SRA1: variants seen among roughly 807,000 people sequenced by gnomAD.
SRA1 encodes steroid receptor RNA activator 1.
In SRA1, 25 loss-of-function variants were observed where a neutral mutation model predicts 24.3. The observed-to-expected ratio is 1.03, with a 90% confidence interval of 0.75 to 1.43. The LOEUF is 1.43. SRA1 is among the 40% of genes most tolerant of loss of function. The pLI is 0.00. For missense variants in SRA1, 303 were observed against 286.6 expected (o/e 1.06, Z -0.41); for synonymous variants, 104 against 109.5 (o/e 0.95, Z 0.31).
chr5:140,557,040 C>G, intron 2 of SRA1, 107 bp downstream of exon 2: 1 of 1,096,252 alleles, frequency 9.1e-7, no homozygotes, highest in Non-Finnish European at 1.3e-6. Context: ...AAACTTCTCT[C>G]CTTAAGGAGC....
In SRA1 at chr5:140,550,508, C is replaced by T; in HGVS notation, c.*192G>A. On this transcript the variant is annotated 3_prime_UTR_variant, in exon 5 of 5. Transcript: ENST00000336283. ...GTTCATCTCTCCTACCCAAGGCCCACCGCAGAGATGTTTTTATTGAAATGC... is the reference window on the plus strand; with the variant it reads ...GTTCATCTCTCCTACCCAAGGCCCATCGCAGAGATGTTTTTATTGAAATGC... 2 of 620,280 alleles carry T rather than the reference C, an allele frequency of 3.2e-6. No homozygotes were observed. The highest frequency in any genetic ancestry group is 5.7e-6 in the Non-Finnish European group (2 of 348,740). The allele number at this position is 620,280 out of a possible 1,614,324, so 38.4% of individuals were successfully genotyped here.
rs1310403519 is a variant in SRA1 at position 140,550,424 on chromosome 5, G to A, written c.*276C>T. 2 of 501,582 alleles carry A rather than the reference G, an allele frequency of 4.0e-6. No homozygotes were observed. The highest frequency in any genetic ancestry group is 2.3e-5 in the South Asian group (1 of 44,048). The allele number at this position is 501,582 out of a possible 1,614,324, so 31.1% of individuals were successfully genotyped here. On this transcript the variant is annotated 3_prime_UTR_variant, in exon 5 of 5. Coordinates refer to ENST00000336283, the MANE Select transcript of SRA1 (RefSeq NM_001035235.4). ...GGAGAAGGGAGAACAGAGGTTTGCA[G>A]ATACACAGGGAGCAGGGCAGTCGAG...
chr5:140,553,181 G>A (rs1293894522), intron 2 of SRA1, among the ~76,000 whole-genome samples: 2 of 152,028 alleles, frequency 1.3e-5, no homozygotes, highest in Non-Finnish European at 2.9e-5. Context: ...TGAAGATTAG[G>A]AATACAGGTA....
At chr5:140,557,055 G>A in intron 2 of SRA1, 92 bp downstream of exon 2, 1 of 1,238,660 alleles carries the variant, frequency 8.1e-7, no homozygotes, top group Non-Finnish European at 1.1e-6. Flanking sequence ...AGGAGCCCTC[G>A]GGGAGAGAAA....
Position 140,550,778 on chromosome 5 carries a change from C to G in SRA1, c.597G>C (p.Glu199Asp), listed in dbSNP as rs376107646. 150 of 1,614,082 alleles carry G rather than the reference C, an allele frequency of 9.3e-5. No homozygotes were observed. Among genetic ancestry groups the G allele is most frequent in the Non-Finnish European group, 1.2e-4 (147 of 1,180,038 alleles). ...LIAEKRSLFS[E>D]EAANEEKSAA... ...CAGATTTCTCTTCATTGGCTGCCTC[C>G]TCTGAAAACAGACTCCTCTTTTCTG... is the stretch of plus-strand genomic sequence containing the variant. Residue 199 changes from glutamate (E) to aspartate (D), a missense_variant, in exon 5 of 5, where the codon GAG becomes GAC. Transcript: ENST00000336283.
chr5:140,557,108 C>CCA (rs1554096605), intron 2 of SRA1, 39 bp downstream of exon 2: 3 of 1,034,734 alleles, frequency 2.9e-6, no homozygotes, highest in East Asian at 5.6e-5. Flanking sequence ...CCCCCCCCCC[C>CCA]ATTCTCCGTC....
intron 3 of SRA1, 150 bp from the exon 4 acceptor site, chr5:140,551,319 G>C (rs1198959063): frequency 1.7e-6 from 1 of 594,348 alleles, no homozygotes; most frequent in South Asian, 2.2e-5. Flanking sequence ...GCCCCACTGA[G>C]AAACTGATGA....
At chr5:140,557,328 T>C in intron 1 of SRA1, 56 bp from the exon 2 acceptor site, 10 of 1,605,142 alleles carry the variant, frequency 6.2e-6, no homozygotes, top group Non-Finnish European at 7.6e-6. Context: ...TAGCTTATAC[T>C]GGGGCTGGGG....
At chr5:140,551,652 G>A (rs987993348) in intron 3 of SRA1, 2 of 244,922 alleles carry the variant, frequency 8.2e-6, no homozygotes, top group Non-Finnish European at 1.6e-5. Flanking sequence ...TCCCTAACTG[G>A]GCACAATATA....
rs144560434 is a variant in SRA1, at chr5:140,552,033, A to G, written c.303T>C (p.Asp101=). 3 of 1,584,776 alleles carry G rather than the reference A, an allele frequency of 1.9e-6. No homozygotes were observed. The African/African-American group carries it at 4.2e-5, about 22-fold the overall frequency. Residue 101 remains aspartate, a synonymous_variant, in exon 3 of 5, where the codon GAT becomes GAC. Transcript: ENST00000336283. ...FPVESEAVME[D]VLRPLEQALE... is the part of the protein sequence containing the mutation. ...ATGCCTGTTCCAAAGGTCTCAGCAC[A>G]TCCTCCATCACAGCCTCAGACTCGA... is the stretch of plus-strand genomic sequence containing the variant.
chr5:140,551,874 A>G, intron 3 of SRA1, 108 bp downstream of exon 3: 2 of 980,016 alleles, frequency 2.0e-6, no homozygotes, highest in Non-Finnish European at 3.1e-6. Context: ...GTAACTCTCA[A>G]AGGATTAAGA....
In SRA1 at chr5:140,550,310, G is replaced by A. The variant is rs986519205; in HGVS notation, c.*390C>T. On this transcript the variant is annotated 3_prime_UTR_variant, in exon 5 of 5. Transcript: ENST00000336283. ...GAAACCATCCAAACACAGCTGCTCC[G>A]CCCAGCACAGGATGTGCTTTCAGTC... 15 of 263,306 alleles carry A rather than the reference G, an allele frequency of 5.7e-5. No individual in the cohort carries two copies. The highest frequency in any genetic ancestry group is 9.7e-5 in the Non-Finnish European group (13 of 134,174). 16.3% of individuals were successfully genotyped at this position (263,306 alleles called of 1,614,324 possible).
In SRA1 at chr5:140,550,660, G is replaced by A. The variant is rs772276624; in HGVS notation, c.*40C>T. 213 of 1,593,994 alleles carry A rather than the reference G, an allele frequency of 1.3e-4. 1 individual carries two copies. The highest frequency in any genetic ancestry group is 1.8e-4 in the Non-Finnish European group (207 of 1,161,872). On this transcript the variant is annotated 3_prime_UTR_variant, in exon 5 of 5. Coordinates refer to ENST00000336283, the MANE Select transcript of SRA1 (RefSeq NM_001035235.4). ...AGCCAAGTGACAGAAGGTCTCCAAGGCATAGGAGATGGTGTCCGGTGAGTC... is the reference window on the plus strand; with the variant it reads ...AGCCAAGTGACAGAAGGTCTCCAAGACATAGGAGATGGTGTCCGGTGAGTC...
intron 2 of SRA1, among the ~76,000 whole-genome samples, chr5:140,555,821 TCTA>T (rs1754680065): frequency 6.6e-6 from 1 of 151,996 alleles, no homozygotes; most frequent in Non-Finnish European, 1.5e-5. Context: ...TTCTTCCTAA[TCTA>T]CTCATTCCTA....
intron 3 of SRA1, 132 bp from the exon 4 acceptor site, chr5:140,551,301 G>C (rs1754554836): frequency 9.4e-6 from 6 of 641,396 alleles, no homozygotes; most frequent in African/African-American, 1.8e-5. Context: ...TTTACCCAAA[G>C]ATTAGAGGCC....
chr5:140,557,051 C>A, intron 2 of SRA1, 96 bp downstream of exon 2: 1 of 1,198,182 alleles, frequency 8.3e-7, no homozygotes, highest in Non-Finnish European at 1.2e-6. Flanking sequence ...CTTAAGGAGC[C>A]CTCGGGGAGA....
intron 2 of SRA1, among the ~76,000 whole-genome samples, chr5:140,556,585 C>A (rs974925411): frequency 6.6e-6 from 1 of 152,128 alleles, no homozygotes; most frequent in Middle Eastern, 3.2e-3. Flanking sequence ...ATTACATCAC[C>A]GCTTATTTTC....
At chr5:140,557,327 C>G in intron 1 of SRA1, 55 bp from the exon 2 acceptor site, 1 of 1,605,210 alleles carries the variant, frequency 6.2e-7, no homozygotes, top group Non-Finnish European at 8.5e-7. Context: ...TTAGCTTATA[C>G]TGGGGCTGGG....
chr5:140,553,711 A>G (rs889905941), intron 2 of SRA1, among the ~76,000 whole-genome samples: 1 of 152,192 alleles, frequency 6.6e-6, no homozygotes, highest in Non-Finnish European at 1.5e-5. Context: ...ACTGATGAAA[A>G]CAGGTCAACA....
Sources: allele counts gnomAD v4.1 joint callset (sites outside exome capture counted in the v4.1 genomes callset), GRCh38; gene constraint gnomAD v4.1.1; transcripts MANE v1.5; gene names NCBI Gene and HGNC (gene_info 2026-07-23, HGNC 2026-07-21).